ANAPC16: variants seen among roughly 807,000 people sequenced by gnomAD.
ANAPC16 encodes the protein anaphase-promoting complex subunit 16.
In ANAPC16, 6 loss-of-function variants were observed where a neutral mutation model predicts 13.1. The observed-to-expected ratio is 0.46, with a 90% CI of 0.25 to 0.90. ANAPC16 has a LOEUF of 0.90. ANAPC16 is among the 40% of genes least tolerant of loss of function. The pLI, the probability that ANAPC16 is intolerant of heterozygous loss-of-function variation, is 0.18. For missense variants in ANAPC16, 113 were observed against 131.1 expected, an observed-to-expected ratio of 0.86 and a Z score of 0.67; for synonymous variants, 55 against 51.3, an observed-to-expected ratio of 1.07 and a Z score of -0.31.
chr10:72,217,534 A>G (rs1427372228), intron 1 of ANAPC16, among the ~76,000 whole-genome samples: 1 of 151,926 alleles, frequency 6.6e-6, no homozygotes, highest in African/African-American at 2.4e-5. Context: ...CTCCTCCTGA[A>G]CAGATTCTTT....
rs778278608 is a variant in ANAPC16 at position 72,233,127 on chromosome 10, A to C, written c.*11A>C. On this transcript the variant is annotated 3_prime_UTR_variant, in exon 4 of 4. Coordinates refer to ENST00000299381, the MANE Select transcript of ANAPC16 (RefSeq NM_173473.4). The stretch of plus-strand genomic sequence containing the variant: ...CCCTCTTCAGGTTGATACTGCCTGG[A>C]TGGTCACCTCTGGTGCGCAGCAAGT... 6.2e-7 allele frequency: 1 copy of C among 1,611,066 alleles called. No individual in the cohort carries two copies. The highest frequency in any genetic ancestry group is 8.5e-7 in the Non-Finnish European group (1 of 1,177,392).
Position 72,223,880 on chromosome 10 carries a change from C to T in ANAPC16, c.-27-8C>T. 1 of 1,499,938 alleles carries T rather than the reference C, an allele frequency of 6.7e-7. No individual in the cohort carries two copies. Among genetic ancestry groups the T allele is most frequent in the Non-Finnish European group, 9.0e-7 (1 of 1,111,446 alleles). 92.9% of individuals were successfully genotyped at this position (1,499,938 alleles called of 1,614,324 possible). On this transcript the variant is annotated splice_polypyrimidine_tract_variant and splice_region_variant and intron_variant, in intron 1 of 3. Transcript: ENST00000299381. ...AACTTGCCAATTGCTGTTTTTCTTT[C>T]TCTGTAGTGAAGTAAGAACTCTGCT...
At chr10:72,220,709 T>C (rs1218208082) in intron 1 of ANAPC16, 1 of 69,018 alleles carries the variant, frequency 1.4e-5, no homozygotes, top group Admixed American at 1.7e-4. Context: ...ATTTTGCAAC[T>C]AGCAAAAAAA....
intron 3 of ANAPC16, 82 bp from the exon 4 acceptor site, chr10:72,232,919 T>C (rs1860368509): frequency 9.0e-7 from 1 of 1,113,386 alleles, no homozygotes; most frequent in Non-Finnish European, 1.4e-6. Context: ...ATTATTTTTA[T>C]ACCAGTCATC....
chr10:72,223,575 C>T (rs1214278673), intron 1 of ANAPC16: 1 of 189,068 alleles, frequency 5.3e-6, no homozygotes, highest in Non-Finnish European at 1.1e-5. Context: ...CAAATTTCTG[C>T]CTTGGCACTG....
intron 1 of ANAPC16, chr10:72,217,162 T>C (rs1287178870): frequency 7.1e-6 from 3 of 421,528 alleles, no homozygotes; most frequent in Non-Finnish European, 1.4e-5. Flanking sequence ...GGGTGTTTCT[T>C]AAGATCATTG....
intron 3 of ANAPC16, 23 bp from the exon 4 acceptor site, chr10:72,232,978 A>G (rs956393732): frequency 1.3e-6 from 2 of 1,595,350 alleles, no homozygotes; most frequent in Admixed American, 1.7e-5. Flanking sequence ...GTTGCATAAT[A>G]TTCTTTCCTT....
At position 72,233,222 on chromosome 10, in the gene ANAPC16, T is replaced by A; in HGVS notation, c.*106T>A. ...GAGATCCACAGCTACGTCACTGAAT[T>A]GTTAATGCACATTTGTACTTGGTTT... is the stretch of plus-strand genomic sequence containing the variant. On this transcript the variant is annotated 3_prime_UTR_variant, in exon 4 of 4. Coordinates refer to ENST00000299381, the MANE Select transcript of ANAPC16 (RefSeq NM_173473.4). 1.3e-6 allele frequency: 1 copy of A among 768,146 alleles called. No homozygotes were observed. Among genetic ancestry groups the A allele is most frequent in the Non-Finnish European group, 2.2e-6 (1 of 457,446 alleles). 47.6% of individuals were successfully genotyped at this position (768,146 alleles called of 1,614,324 possible).
chr10:72,219,709 C>G (rs1589706446), intron 1 of ANAPC16, among the ~76,000 whole-genome samples: 1 of 152,256 alleles, frequency 6.6e-6, no homozygotes, highest in East Asian at 1.9e-4. Flanking sequence ...TGCATTCCAG[C>G]CTGGGAAACA....
At chr10:72,229,064 T>C (rs1230897934) in intron 2 of ANAPC16, among the ~76,000 whole-genome samples, 2 of 152,064 alleles carry the variant, frequency 1.3e-5, no homozygotes, top group Middle Eastern at 3.2e-3. Flanking sequence ...ATATGAGTTA[T>C]AATTGGACTT....
chr10:72,232,093 G>A (rs1460828110), intron 3 of ANAPC16, among the ~76,000 whole-genome samples: 1 of 148,556 alleles, frequency 6.7e-6, no homozygotes, highest in Non-Finnish European at 1.5e-5. Context: ...GGCTGAGGCA[G>A]CAGAATCGCT....
intron 2 of ANAPC16, among the ~76,000 whole-genome samples, chr10:72,224,696 G>C (rs1488772850): frequency 6.6e-6 from 1 of 151,610 alleles, no homozygotes; most frequent in Non-Finnish European, 1.5e-5. Flanking sequence ...CCTGGCACCT[G>C]TCTACCTCCC....
At chr10:72,227,206 C>T (rs1860148654) in intron 2 of ANAPC16, among the ~76,000 whole-genome samples, 1 of 152,140 alleles carries the variant, frequency 6.6e-6, no homozygotes, top group East Asian at 1.9e-4. Flanking sequence ...GAGGTACCTC[C>T]ACAGTCTCAA....
chr10:72,226,215 C>T (rs897712359), intron 2 of ANAPC16, among the ~76,000 whole-genome samples: 29 of 151,888 alleles, frequency 1.9e-4, no homozygotes, highest in African/African-American at 6.0e-4. Context: ...GGCAGGGTTT[C>T]GCCATGTTGC....
intron 1 of ANAPC16, chr10:72,217,186 A>C (rs1859500321): frequency 2.5e-6 from 1 of 396,464 alleles, no homozygotes; most frequent in Admixed American, 2.9e-5. Context: ...CTTAAAATGA[A>C]AGTGTAGGCC....
chr10:72,232,643 C>T (rs1438551763), intron 3 of ANAPC16, among the ~76,000 whole-genome samples: 1 of 141,400 alleles, frequency 7.1e-6, no homozygotes, highest in East Asian at 2.2e-4. Context: ...CTCACTCTGT[C>T]ACCAGGCTGG....
intron 3 of ANAPC16, among the ~76,000 whole-genome samples, chr10:72,232,023 C>A (rs749430083): frequency 6.7e-6 from 1 of 150,136 alleles, no homozygotes; most frequent in Non-Finnish European, 1.5e-5. Flanking sequence ...CCCATCTCTA[C>A]TAAAAATACA....
intron 3 of ANAPC16, among the ~76,000 whole-genome samples, chr10:72,232,717 C>T (rs1485195589): frequency 6.6e-6 from 1 of 151,534 alleles, no homozygotes; most frequent in Non-Finnish European, 1.5e-5. Context: ...GATTCTCCTG[C>T]CTCAGCCTCC....
intron 3 of ANAPC16, among the ~76,000 whole-genome samples, chr10:72,231,165 A>G (rs1456550077): frequency 6.6e-6 from 1 of 152,134 alleles, no homozygotes; most frequent in Non-Finnish European, 1.5e-5. Context: ...GTAGGGGGAA[A>G]AGCTGTAATT....
Sources: allele counts gnomAD v4.1 joint callset (sites outside exome capture counted in the v4.1 genomes callset), GRCh38; gene constraint gnomAD v4.1.1; transcripts MANE v1.5; gene names NCBI Gene and HGNC (gene_info 2026-07-23, HGNC 2026-07-21).